MDN1: variants seen among roughly 807,000 people sequenced by gnomAD.
MDN1 encodes the protein midasin.
In MDN1, 266 loss-of-function variants were observed where a neutral mutation model predicts 669.2. That is an observed-to-expected ratio of 0.40 (90% CI 0.36 to 0.44). The LOEUF (loss-of-function observed/expected upper bound fraction) is 0.44. Ranked by LOEUF, MDN1 falls within the 20% of genes least tolerant of loss-of-function variation. The pLI, the probability that MDN1 is intolerant of heterozygous loss-of-function variation, is 1.00. For synonymous variants in MDN1, 2,385 were observed against 2,457.1 expected (o/e 0.97, Z 0.87); for missense variants, 5,940 against 6,754.0 (o/e 0.88, Z 4.22).
intron 59 of MDN1, among the ~76,000 whole-genome samples, chr6:89,698,579 C>A (rs1331094252): frequency 6.6e-6 from 1 of 152,054 alleles, no homozygotes; most frequent in African/African-American, 2.4e-5. Context: ...ATTATATATA[C>A]ATATATCTGC....
chr6:89,744,402 G>A (rs1249978100), intron 29 of MDN1, among the ~76,000 whole-genome samples: 1 of 151,940 alleles, frequency 6.6e-6, no homozygotes, highest in Non-Finnish European at 1.5e-5. Context: ...ACAACATAGT[G>A]AGACTCCATC....
chr6:89,799,139 C>T (rs949013668), intron 2 of MDN1, among the ~76,000 whole-genome samples: 2 of 152,124 alleles, frequency 1.3e-5, no homozygotes, highest in East Asian at 1.9e-4. Flanking sequence ...GCTGTATGGC[C>T]GCATGACTGG....
chr6:89,774,526 CAT>C (rs1463405601), intron 13 of MDN1, 93 bp downstream of exon 13: 5 of 863,126 alleles, frequency 5.8e-6, no homozygotes, highest in Admixed American at 5.5e-5. Flanking sequence ...ACAGTTCAGA[CAT>C]GTGTTTTGCA....
At position 89,699,702 on chromosome 6, in the gene MDN1, T is replaced by C; in HGVS notation, c.8896A>G (p.Ile2966Val). 1 of 1,614,058 alleles carries C rather than the reference T, an allele frequency of 6.2e-7. No individual in the cohort carries two copies. The highest frequency in any genetic ancestry group is 1.1e-5 in the South Asian group (1 of 91,072). Reference sequence around the variant, plus strand: ...ATGAGGTGACTTATCTCCTCATTTATCTGGGGTTGTTGATTTTTGCTGCAT... The same window carrying C: ...ATGAGGTGACTTATCTCCTCATTTACCTGGGGTTGTTGATTTTTGCTGCAT... Reference protein sequence around the residue: ...RRCSKNQQPQINEEISHLISF... With the variant: ...RRCSKNQQPQVNEEISHLISF... The change falls in exon 58 of 102, where the codon ATA becomes GTA. Residue 2966 changes from isoleucine to valine, a missense_variant. This residue lies in a region of MDN1 where 2,292 missense variants were observed against 2,638.3 expected (regional missense o/e 0.87). Coordinates refer to ENST00000369393, the MANE Select transcript of MDN1 (RefSeq NM_014611.3).
At chr6:89,815,083 C>A (rs374896282) in intron 1 of MDN1, 2 of 453,244 alleles carry the variant, frequency 4.4e-6, no homozygotes, top group African/African-American at 2.0e-5. Flanking sequence ...CAACTCACAG[C>A]CTGAGCCAGA....
At position 89,710,704 on chromosome 6, in the gene MDN1, T is replaced by C; in HGVS notation, c.7742A>G (p.Lys2581Arg). The change falls in exon 50 of 102, where the codon AAA becomes AGA. Residue 2581 changes from lysine (K) to arginine (R), a missense_variant. By Grantham distance (26) the Lys-to-Arg change is conservative. Transcript: ENST00000369393. ...SLSGAVSNVFKILQPNTTDEF... is the reference protein window; with the variant it reads ...SLSGAVSNVFRILQPNTTDEF... ...ACCTGTTGTATTTGGTTGTAATATTTTGAAAACATTACTGACTGCACCTGA... is the reference window on the plus strand; with the variant it reads ...ACCTGTTGTATTTGGTTGTAATATTCTGAAAACATTACTGACTGCACCTGA... 1.9e-6 allele frequency: 3 copies of C among 1,590,692 alleles called. No homozygotes were observed. The highest frequency in any genetic ancestry group is 1.2e-5 in the South Asian group (1 of 86,208).
intron 93 of MDN1, 25 bp from the exon 94 acceptor site, chr6:89,653,180 T>G: frequency 6.3e-7 from 1 of 1,596,264 alleles, no homozygotes; most frequent in Non-Finnish European, 8.5e-7. Context: ...GGACATAATT[T>G]TACTTATAAT....
chr6:89,783,563 T>C (rs946476862), intron 9 of MDN1, among the ~76,000 whole-genome samples: 6 of 152,218 alleles, frequency 3.9e-5, no homozygotes, highest in African/African-American at 1.4e-4. Context: ...CCTTTTGCCT[T>C]GTGATCTTTG....
chr6:89,805,612 C>A (rs1314635532), intron 1 of MDN1, among the ~76,000 whole-genome samples: 1 of 152,160 alleles, frequency 6.6e-6, no homozygotes, highest in East Asian at 1.9e-4. Context: ...ACCTTGAACA[C>A]AGCATAAATG....
chr6:89,754,222 G>A lies in MDN1; in HGVS notation c.2825C>T (p.Thr942Ile). ...GGTCCCAGACTCTTTCCGCAAAGCTGTGTAGAAGCTACAAATAGAATAAAG... is the reference window on the plus strand; with the variant it reads ...GGTCCCAGACTCTTTCCGCAAAGCTATGTAGAAGCTACAAATAGAATAAAG... Reference protein sequence around the residue: ...NTVQGIINFYTALRKESGTKL... With the variant: ...NTVQGIINFYIALRKESGTKL... The change falls in exon 21 of 102, where the codon ACA (threonine) becomes ATA (isoleucine). Residue 942 changes from threonine (T) to isoleucine (I), a missense_variant. Coordinates refer to ENST00000369393, the MANE Select transcript of MDN1 (RefSeq NM_014611.3). 1.2e-6 allele frequency: 2 copies of A among 1,613,380 alleles called. No individual in the cohort carries two copies. Among genetic ancestry groups the A allele is most frequent in the Non-Finnish European group, 1.7e-6 (2 of 1,179,686 alleles).
intron 53 of MDN1, 32 bp from the exon 54 acceptor site, chr6:89,702,093 T>C (rs530878203): frequency 1.5e-5 from 23 of 1,555,354 alleles, no homozygotes; most frequent in African/African-American, 7.0e-5. Context: ...TAAGATGGCA[T>C]GAAGAAAGAC....
chr6:89,802,069 A>C (rs910128928), intron 2 of MDN1, among the ~76,000 whole-genome samples: 10 of 152,220 alleles, frequency 6.6e-5, no homozygotes, highest in African/African-American at 2.4e-4. Flanking sequence ...AGTTTAATCA[A>C]GGTGAAGAGA....
rs752365595 is a variant in MDN1, at chr6:89,672,251, C to T, written c.13743G>A (p.Leu4581=). The stretch of plus-strand genomic sequence containing the variant: ...CACCGTACGATTTCAGCCTCTCCAA[C>T]AGCTCGGAGATGGCAGAAATTATTT... ...VQKIISAISE[L]LERLKSYGED... is the part of the protein sequence containing the mutation. The change falls in exon 82 of 102, where the codon CTG becomes CTA. Residue 4581 remains leucine (L), a synonymous_variant. Coordinates refer to ENST00000369393, the MANE Select transcript of MDN1 (RefSeq NM_014611.3). 1.4e-5 allele frequency: 23 copies of T among 1,610,830 alleles called. No homozygotes were observed. The highest frequency in any genetic ancestry group is 3.3e-5 in the South Asian group (3 of 90,158).
chr6:89,727,857 T>A lies in MDN1; in HGVS notation c.5448A>T (p.Ala1816=), dbSNP rs1446548717. 1 of 1,613,968 alleles carries A rather than the reference T, an allele frequency of 6.2e-7. No homozygotes were observed. Among genetic ancestry groups the A allele is most frequent in the African/African-American group, 1.3e-5 (1 of 75,008 alleles). The change falls in exon 37 of 102, where the codon GCA becomes GCT. Residue 1816 remains alanine, a synonymous_variant. Coordinates refer to ENST00000369393, the MANE Select transcript of MDN1 (RefSeq NM_014611.3). ...RDGPLLAALK[A]GHWVVLDELN... ...CCTCATCCAACACCACCCAATGGCC[T>A]GCCTTCAAAGCTGCCAGTAAGGGGC...
chr6:89,648,131 TAC>T lies in MDN1; in HGVS notation c.16294_16295del (p.Val5432LysfsTer8). On this transcript the variant is annotated frameshift_variant, in exon 99 of 102. Coordinates refer to ENST00000369393, the MANE Select transcript of MDN1 (RefSeq NM_014611.3). LOFTEE classifies it high-confidence loss of function. ...GCTCATGAAATGGGTGTAACAGCTT[TAC>T]AGATTCTCCAAAACTTGGGGGAGGA... ...QIAVCSFGES[V>X]KLLHPFHEQF... 1 of 1,614,024 alleles carries T rather than the reference TAC, an allele frequency of 6.2e-7. No individual in the cohort carries two copies. Among genetic ancestry groups the T allele is most frequent in the Non-Finnish European group, 8.5e-7 (1 of 1,179,870 alleles).
rs1808267422 is a variant in MDN1 at position 89,643,070 on chromosome 6, A to G, written c.*935T>C. Reference sequence around the variant, plus strand: ...AGTATTCAGCACTGCTTTCTGGCCAAGTAAAAACTGCCTAAAGATCAGTTT... The same window carrying G: ...AGTATTCAGCACTGCTTTCTGGCCAGGTAAAAACTGCCTAAAGATCAGTTT... On this transcript the variant is annotated 3_prime_UTR_variant, in exon 102 of 102. Transcript: ENST00000369393. 1.3e-5 allele frequency: 2 copies of G among 152,268 alleles called. No individual in the cohort carries two copies. Among genetic ancestry groups the G allele is most frequent in the South Asian group, 4.1e-4 (2 of 4,832 alleles). 9.4% of individuals were successfully genotyped at this position (152,268 alleles called of 1,614,324 possible). A position where few individuals can be genotyped will look rare whatever the true frequency, so the allele number is the denominator to read the frequency against.
rs1811027408 is a variant in MDN1, at chr6:89,674,225, G to A, written c.13126C>T (p.Gln4376Ter). ...QLPSGCRMRKQDHLWQQSTTR... is the reference protein window; with the variant it reads ...QLPSGCRMRK The stretch of plus-strand genomic sequence containing the variant: ...GTTGACTGTTGCCAAAGGTGATCCT[G>A]TTTCCGCATCCGGCAACCAGAGGGC... The change falls in exon 79 of 102, where the codon CAG (glutamine) becomes TAG (stop). Residue 4376 changes from glutamine (Q) to a stop codon, truncating the protein, a stop_gained. Coordinates refer to ENST00000369393, the MANE Select transcript of MDN1 (RefSeq NM_014611.3). LOFTEE classifies it high-confidence loss of function. 1.9e-6 allele frequency: 3 copies of A among 1,614,106 alleles called. No individual in the cohort carries two copies. The highest frequency in any genetic ancestry group is 2.5e-6 in the Non-Finnish European group (3 of 1,180,052).
intron 34 of MDN1, 74 bp downstream of exon 34, chr6:89,732,483 A>G: frequency 5.5e-6 from 7 of 1,268,738 alleles, no homozygotes; most frequent in Non-Finnish European, 7.8e-6. Context: ...GCTGGGTCAG[A>G]GGCCTGGGCT....
chr6:89,730,942 G>A lies in MDN1; in HGVS notation c.4943-19C>T, dbSNP rs570073738. 6 of 1,609,058 alleles carry A rather than the reference G, an allele frequency of 3.7e-6. No homozygotes were observed. In the South Asian group the frequency reaches 6.6e-5, roughly 18 times the overall value. On this transcript the variant is annotated intron_variant, in intron 34 of 101. Coordinates refer to ENST00000369393, the MANE Select transcript of MDN1 (RefSeq NM_014611.3). Reference sequence around the variant, plus strand: ...GTTACCCCTAAAAGACAGAGGATCAGTCCATGAAGCAACAGTACAACACCA... The same window carrying A: ...GTTACCCCTAAAAGACAGAGGATCAATCCATGAAGCAACAGTACAACACCA...
Sources: gnomAD v4.1 joint callset for allele counts (sites outside exome capture counted in the v4.1 genomes callset) on GRCh38, gnomAD v4.1.1 for gene constraint, gnomAD v4.1.1 regional missense constraint, MANE v1.5 for transcripts, NCBI Gene and HGNC (gene_info 2026-07-23, HGNC 2026-07-21) for gene names.